The following RNF169 variants were observed in gnomAD, a reference collection of about 807,000 sequenced individuals.
RNF169 encodes ring finger protein 169.
Under a neutral mutation model 53.9 loss-of-function variants are expected in RNF169, and 24 were observed. That is an observed-to-expected ratio of 0.45 (90% CI 0.32 to 0.63). The LOEUF (loss-of-function observed/expected upper bound fraction) is 0.63, where lower values mean the gene tolerates loss of function less well. RNF169 is among the 20% of genes least tolerant of loss of function. The pLI, the probability that RNF169 is intolerant of heterozygous loss-of-function variation, is 0.04. For missense variants in RNF169, 883 were observed against 906.2 expected (o/e 0.97, Z 0.33); for synonymous variants, 396 against 363.5 (o/e 1.09, Z -1.02).
intron 2 of RNF169, among the ~76,000 whole-genome samples, chr11:74,804,827 A>G (rs969907131): frequency 2.6e-5 from 4 of 152,204 alleles, no homozygotes; most frequent in Non-Finnish European, 4.4e-5. Flanking sequence ...CAATGGACTT[A>G]TATCCAGAAT....
At position 74,750,868 on chromosome 11, in the gene RNF169, T is replaced by G. The variant is rs796741522; in HGVS notation, c.502+1486T>G. Among the ~76,000 whole-genome samples the G allele has an allele frequency of 3.0e-3, 333 of 109,894 alleles. 4 individuals carry two copies. Among genetic ancestry groups the G allele is most frequent in the African/African-American group, 0.012 (316 of 26,640 alleles). The allele number at this position is 109,894 out of a possible 152,430, so 72.1% of individuals were successfully genotyped here. On this transcript the variant is annotated intron_variant, in intron 1 of 5. Coordinates refer to ENST00000299563, the MANE Select transcript of RNF169 (RefSeq NM_001098638.2). ...CCGCCCGCCTTGGCCTCCCAAGGTTTTTTTTTTTTTTTTTTTTTTTTTTGA... is the reference window on the plus strand; with the variant it reads ...CCGCCCGCCTTGGCCTCCCAAGGTTGTTTTTTTTTTTTTTTTTTTTTTTGA...
intron 1 of RNF169, among the ~76,000 whole-genome samples, chr11:74,763,625 C>G (rs116292885): frequency 0.019 from 2,845 of 151,816 alleles, 105 homozygotes; most frequent in African/African-American, 0.066. Context: ...GGGACATAGA[C>G]ATGAGGAAAT....
Position 74,838,593 on chromosome 11 carries a change from C to G in RNF169, c.*1863C>G, listed in dbSNP as rs1391332723. The G allele has an allele frequency of 6.6e-6, 1 of 152,202 alleles. No individual in the cohort carries two copies. The highest frequency in any genetic ancestry group is 1.5e-5 in the Non-Finnish European group (1 of 68,042). The allele number at this position is 152,202 out of a possible 1,614,324, so 9.4% of individuals were successfully genotyped here. ...TACGTTGGTGGGGAACATCACTCACCTGAATGTATGCATTCTGTGTTCTCT... is the reference window on the plus strand; with the variant it reads ...TACGTTGGTGGGGAACATCACTCACGTGAATGTATGCATTCTGTGTTCTCT... On this transcript the variant is annotated 3_prime_UTR_variant, in exon 6 of 6. Coordinates refer to ENST00000299563, the MANE Select transcript of RNF169 (RefSeq NM_001098638.2).
At chr11:74,814,033 G>A (rs2035910455) in intron 3 of RNF169, among the ~76,000 whole-genome samples, 1 of 151,886 alleles carries the variant, frequency 6.6e-6, no homozygotes, top group Admixed American at 6.6e-5. Context: ...TTAAGTTGTG[G>A]GTATTGGCCA....
intron 3 of RNF169, 78 bp downstream of exon 3, chr11:74,810,408 T>A: frequency 7.4e-7 from 1 of 1,342,732 alleles, no homozygotes; most frequent in Non-Finnish European, 1.1e-6. Flanking sequence ...CTGAAAGACC[T>A]ATGTTGGTAA....
chr11:74,785,456 A>AT (rs199680589), intron 1 of RNF169, among the ~76,000 whole-genome samples: 136 of 147,902 alleles, frequency 9.2e-4, no homozygotes, highest in African/African-American at 2.9e-3. Context: ...AAAAGTGAGG[A>AT]TTTTTTTTTT....
intron 2 of RNF169, among the ~76,000 whole-genome samples, chr11:74,795,824 T>C (rs1303319946): frequency 6.6e-6 from 1 of 152,208 alleles, no homozygotes; most frequent in Non-Finnish European, 1.5e-5. Flanking sequence ...ATCACTGCAC[T>C]CCATCCTGGG....
At chr11:74,790,043 C>T (rs1322473524) in intron 2 of RNF169, among the ~76,000 whole-genome samples, 8 of 152,196 alleles carry the variant, frequency 5.3e-5, no homozygotes, top group African/African-American at 1.7e-4. Flanking sequence ...TCACAAGTTT[C>T]TTCTAATTAC....
At chr11:74,767,984 C>T (rs2135321456) in intron 1 of RNF169, among the ~76,000 whole-genome samples, 1 of 152,180 alleles carries the variant, frequency 6.6e-6, no homozygotes, top group East Asian at 1.9e-4. Flanking sequence ...CAGCCACTGT[C>T]TTTGCTTTTT....
chr11:74,775,189 G>A (rs1014510484), intron 1 of RNF169, among the ~76,000 whole-genome samples: 1 of 152,048 alleles, frequency 6.6e-6, no homozygotes, highest in African/African-American at 2.4e-5. Context: ...TGATGGTGCT[G>A]GAGAGAATGG....
chr11:74,797,880 C>T (rs993185592), intron 2 of RNF169, among the ~76,000 whole-genome samples: 6 of 152,192 alleles, frequency 3.9e-5, no homozygotes, highest in Admixed American at 6.5e-5. Flanking sequence ...GAAGATTTTA[C>T]GGACATTTAT....
chr11:74,768,682 T>C (rs938923414), intron 1 of RNF169, among the ~76,000 whole-genome samples: 2 of 151,212 alleles, frequency 1.3e-5, no homozygotes, highest in African/African-American at 4.9e-5. Flanking sequence ...ACTATCTCTA[T>C]GAAAATGGAG....
chr11:74,750,588 CTTTTTTTTTTTTTTT>C (rs71036015), intron 1 of RNF169, among the ~76,000 whole-genome samples: 2 of 54,500 alleles, frequency 3.7e-5, no homozygotes, highest in African/African-American at 1.8e-4. Context: ...CTCCCCTCAC[CTTTTTTTTTTTTTTT>C]TTTTTTTTTT....
chr11:74,795,441 C>T (rs1591410474), intron 2 of RNF169, among the ~76,000 whole-genome samples: 2 of 152,208 alleles, frequency 1.3e-5, no homozygotes, highest in Admixed American at 1.3e-4. Flanking sequence ...TCCTGGGCCT[C>T]CTAAAGTGTT....
At chr11:74,827,218 C>T (rs2036111968) in intron 4 of RNF169, among the ~76,000 whole-genome samples, 1 of 152,198 alleles carries the variant, frequency 6.6e-6, no homozygotes, top group African/African-American at 2.4e-5. Context: ...ACATGTAAGC[C>T]ACCAAGGCTT....
rs996032043 is a variant in RNF169, at chr11:74,827,286, G to A, written c.843-7390G>A. ...CTGTACATTGGCCCCTTTTAGCCAC[G>A]GCTGGGGTGTGGGCACCAAGAGACT... On this transcript the variant is annotated intron_variant, in intron 4 of 5. Coordinates refer to ENST00000299563, the MANE Select transcript of RNF169 (RefSeq NM_001098638.2). Among the ~76,000 whole-genome samples the A allele has an allele frequency of 5.3e-5, 8 of 152,144 alleles. No individual in the cohort carries two copies. The East Asian group carries it at 5.8e-4, about 11-fold the overall frequency.
At chr11:74,808,976 A>G (rs2035839322) in intron 2 of RNF169, among the ~76,000 whole-genome samples, 1 of 152,230 alleles carries the variant, frequency 6.6e-6, no homozygotes, top group Non-Finnish European at 1.5e-5. Flanking sequence ...TGTTCTTTGC[A>G]TATTCATAAC....
At chr11:74,790,444 T>C (rs1317217794) in intron 2 of RNF169, among the ~76,000 whole-genome samples, 1 of 152,230 alleles carries the variant, frequency 6.6e-6, no homozygotes, top group Non-Finnish European at 1.5e-5. Flanking sequence ...GGTGAAACAA[T>C]AATGCTATTG....
chr11:74,753,264 C>T (rs908123285), intron 1 of RNF169, among the ~76,000 whole-genome samples: 8 of 152,094 alleles, frequency 5.3e-5, no homozygotes, highest in African/African-American at 1.9e-4. Flanking sequence ...CCACCGCGCC[C>T]AGCCTTGAAC....
Sources: allele counts gnomAD v4.1 joint callset (sites outside exome capture counted in the v4.1 genomes callset), GRCh38; gene constraint gnomAD v4.1.1; transcripts MANE v1.5; gene names NCBI Gene and HGNC (gene_info 2026-07-23, HGNC 2026-07-21).